The following GRM7 variants were observed in gnomAD, a reference collection of about 807,000 sequenced individuals.
GRM7 encodes glutamate metabotropic receptor 7, also known as metabotropic glutamate receptor 7.
In GRM7, 35 loss-of-function variants were observed where a neutral mutation model predicts 84.5. The ratio of observed to expected loss-of-function variants is 0.41; its 90% CI spans 0.32 to 0.55. The LOEUF (loss-of-function observed/expected upper bound fraction) is 0.55. Ranked by LOEUF, GRM7 falls within the 20% of genes least tolerant of loss-of-function variation. The probability of loss-of-function intolerance (pLI) is 0.19; values close to 1 mark genes in which losing one functional copy is unlikely to be tolerated. For missense variants in GRM7, 1,003 were observed against 1,194.6 expected (o/e 0.84, Z 2.36); for synonymous variants, 487 against 455.1 (o/e 1.07, Z -0.89).
intron 7 of GRM7, among the ~76,000 whole-genome samples, chr3:7,555,859 C>T (rs1575489345): frequency 6.6e-6 from 1 of 152,126 alleles, no homozygotes; most frequent in Non-Finnish European, 1.5e-5. Flanking sequence ...AGTGAGAAGC[C>T]ACCATATCTA....
At chr3:7,320,294 AG>A (rs1258533894) in intron 4 of GRM7, among the ~76,000 whole-genome samples, 1 of 152,038 alleles carries the variant, frequency 6.6e-6, no homozygotes, top group African/African-American at 2.4e-5. Context: ...ATTTAATAAA[AG>A]TTTTATGTGA....
At chr3:7,621,529 C>T (rs146225639) in intron 8 of GRM7, among the ~76,000 whole-genome samples, 17 of 152,212 alleles carry the variant, frequency 1.1e-4, no homozygotes, top group Admixed American at 2.0e-4. Flanking sequence ...GGGGAGGGGA[C>T]GCACGATGGA....
chr3:7,032,722 A>G (rs1209495151), intron 1 of GRM7, among the ~76,000 whole-genome samples: 1 of 152,180 alleles, frequency 6.6e-6, no homozygotes. Flanking sequence ...AGAAAAGTAC[A>G]TTAATTTTTA....
In GRM7 at chr3:7,322,840, G is replaced by A. The variant is rs545516880; in HGVS notation, c.1033+16188G>A. On this transcript the variant is annotated intron_variant, in intron 4 of 9. Coordinates refer to ENST00000357716, the MANE Select transcript of GRM7 (RefSeq NM_000844.4). ...ATGTACGAGTTGAAGCACAAAATTC[G>A]TTATCCTCTTTTGAAAATGAGCTAG... Among the ~76,000 whole-genome samples, 8 of 152,034 alleles carry A rather than the reference G, an allele frequency of 5.3e-5. No individual in the cohort carries two copies. The South Asian group carries it at 1.0e-3, about 20-fold the overall frequency.
At chr3:7,735,654 T>C (rs1702477762) in intron 9 of GRM7, among the ~76,000 whole-genome samples, 1 of 152,162 alleles carries the variant, frequency 6.6e-6, no homozygotes, top group East Asian at 1.9e-4. Context: ...AAAAATGTAC[T>C]ATAAAGTCCT....
At chr3:7,459,881 A>G (rs1251288622) in intron 6 of GRM7, among the ~76,000 whole-genome samples, 3 of 152,034 alleles carry the variant, frequency 2.0e-5, no homozygotes, top group Non-Finnish European at 4.4e-5. Flanking sequence ...TGGTAGTTCC[A>G]GGAGCAGAGT....
intron 2 of GRM7, among the ~76,000 whole-genome samples, chr3:7,251,906 G>T (rs1337009421): frequency 6.6e-6 from 1 of 152,154 alleles, no homozygotes; most frequent in African/African-American, 2.4e-5. Context: ...CATTTTTGTT[G>T]CTGGAAATGA....
chr3:6,959,096 A>G (rs911705671), intron 1 of GRM7, among the ~76,000 whole-genome samples: 2 of 152,184 alleles, frequency 1.3e-5, no homozygotes, highest in African/African-American at 4.8e-5. Flanking sequence ...GCTATGCTTG[A>G]TTGTGTAATA....
intron 2 of GRM7, among the ~76,000 whole-genome samples, chr3:7,249,711 A>C (rs965558314): frequency 6.6e-6 from 1 of 152,314 alleles, no homozygotes. Flanking sequence ...TGAAAAAAAA[A>C]CTGTGGAAAT....
At chr3:7,325,995 T>G (rs1280038456) in intron 4 of GRM7, among the ~76,000 whole-genome samples, 8 of 152,046 alleles carry the variant, frequency 5.3e-5, no homozygotes, top group African/African-American at 1.9e-4. Context: ...GCATCCATAA[T>G]AAAAATAAAT....
chr3:7,140,842 C>T (rs77586241), intron 1 of GRM7, among the ~76,000 whole-genome samples: 2 of 151,808 alleles, frequency 1.3e-5, no homozygotes, highest in East Asian at 1.9e-4. Flanking sequence ...AGGGTCCCCA[C>T]GGTATTTTTG....
intron 1 of GRM7, among the ~76,000 whole-genome samples, chr3:6,927,915 T>G (rs1465947315): frequency 6.6e-6 from 1 of 152,196 alleles, no homozygotes; most frequent in African/African-American, 2.4e-5. Flanking sequence ...TTCCAGTTAG[T>G]GCCATTGTAC....
chr3:7,600,697 T>C (rs183707287), intron 8 of GRM7, among the ~76,000 whole-genome samples: 9 of 152,306 alleles, frequency 5.9e-5, no homozygotes, highest in Non-Finnish European at 1.2e-4. Flanking sequence ...AAATGCCTTA[T>C]AGTTTGCCCA....
In GRM7 at chr3:7,102,790, T is replaced by G. The variant is rs190585169; in HGVS notation, c.520-43662T>G. On this transcript the variant is annotated intron_variant, in intron 1 of 9. Coordinates refer to ENST00000357716, the MANE Select transcript of GRM7 (RefSeq NM_000844.4). ...TGAATAAAGTCTATTTATCTGCTTT[T>G]CAGTTCAATGGCCCTTTCTTTGGCT... 7.7e-3 allele frequency among the ~76,000 whole-genome samples: 1,166 copies of G among 151,928 alleles called. 16 individuals are homozygous for G. Among genetic ancestry groups the G allele is most frequent in the African/African-American group, 0.027 (1,103 of 41,514 alleles).
intron 1 of GRM7, among the ~76,000 whole-genome samples, chr3:7,099,364 A>G (rs1319926067): frequency 6.7e-6 from 1 of 148,342 alleles, no homozygotes; most frequent in Non-Finnish European, 1.5e-5. Context: ...GTACACATGT[A>G]TACATATATA....
At chr3:7,598,842 A>G (rs576580016) in intron 8 of GRM7, among the ~76,000 whole-genome samples, 1 of 152,340 alleles carries the variant, frequency 6.6e-6, no homozygotes, top group East Asian at 1.9e-4. Context: ...TGGATTAAAA[A>G]TGGACCATTG....
intron 1 of GRM7, chr3:6,893,104 A>C (rs1327031796): frequency 6.6e-6 from 1 of 152,176 alleles, no homozygotes; most frequent in African/African-American, 2.4e-5. Flanking sequence ...CTATGACCTA[A>C]TGAAGTAAGC....
chr3:7,241,167 G>A (rs1472657321), intron 2 of GRM7, among the ~76,000 whole-genome samples: 1 of 152,086 alleles, frequency 6.6e-6, no homozygotes, highest in African/African-American at 2.4e-5. Flanking sequence ...ACCTCTCCTT[G>A]CTTGACCTCA....
At chr3:7,168,075 G>C (rs1694863914) in intron 2 of GRM7, among the ~76,000 whole-genome samples, 2 of 149,000 alleles carry the variant, frequency 1.3e-5, no homozygotes, top group South Asian at 4.4e-4. Flanking sequence ...TGAGCTCATA[G>C]TGGCAGTTCT....
Sources: allele counts gnomAD v4.1 joint callset (sites outside exome capture counted in the v4.1 genomes callset), GRCh38; gene constraint gnomAD v4.1.1; transcripts MANE v1.5; gene names NCBI Gene and HGNC (gene_info 2026-07-23, HGNC 2026-07-21).